The following PDLIM1 variants were observed in gnomAD, a reference collection of about 807,000 sequenced individuals.
PDLIM1 encodes PDZ and LIM domain 1, also known as PDZ and LIM domain protein 1.
In PDLIM1, 25 loss-of-function variants were observed where a neutral mutation model predicts 35.2. The ratio of observed to expected loss-of-function variants is 0.71; its 90% CI spans 0.52 to 0.99. The LOEUF (loss-of-function observed/expected upper bound fraction) is 0.99. PDLIM1 is among the 50% of genes least tolerant of loss of function. The pLI is 0.00. For synonymous variants in PDLIM1, 152 were observed against 154.0 expected, an observed-to-expected ratio of 0.99 and a Z score of 0.10; for missense variants, 363 against 415.3, an observed-to-expected ratio of 0.87 and a Z score of 1.09.
chr10:95,269,000 G>A (rs773269422), intron 2 of PDLIM1, 138 bp from the exon 3 acceptor site: 48 of 643,148 alleles, frequency 7.5e-5, no homozygotes, highest in Non-Finnish European at 1.1e-4. Flanking sequence ...CCTTCCATTT[G>A]CCACCAGGTT....
chr10:95,283,981 C>CTCTCTGTGTGTGTG (rs143926521), intron 1 of PDLIM1, among the ~76,000 whole-genome samples: 38 of 150,324 alleles, frequency 2.5e-4, no homozygotes, highest in Middle Eastern at 3.4e-3. Context: ...GCCTTTTTCT[C>CTCTCTGTGTGTGTG]TGTGTGTGTG....
intron 4 of PDLIM1, among the ~76,000 whole-genome samples, chr10:95,251,075 C>CT (rs1470152737): frequency 2.0e-5 from 3 of 152,110 alleles, no homozygotes; most frequent in African/African-American, 7.2e-5. Context: ...TTTCTCACAC[C>CT]TGCTCCAGCC....
chr10:95,281,592 A>G (rs919696506), intron 1 of PDLIM1, among the ~76,000 whole-genome samples: 7 of 152,208 alleles, frequency 4.6e-5, no homozygotes, highest in African/African-American at 1.7e-4. Context: ...AAAAAAATAC[A>G]GCCCCTGTAA....
rs1440640324 is a variant in PDLIM1 at position 95,257,038 on chromosome 10, G to GAAAGAAAGAAAT, written c.533+6825_533+6826insATTTCTTTCTTT. 4.0e-3 allele frequency among the ~76,000 whole-genome samples: 516 copies of GAAAGAAAGAAAT among 129,768 alleles called. 11 individuals carry two copies. Among genetic ancestry groups the GAAAGAAAGAAAT allele is most frequent in the African/African-American group, 0.012 (395 of 33,194 alleles). The allele number at this position is 129,768 out of a possible 152,430, so 85.1% of individuals were successfully genotyped here. A position where few individuals can be genotyped will look rare whatever the true frequency, so the allele number is the denominator to read the frequency against. On this transcript the variant is annotated intron_variant, in intron 4 of 6. Transcript: ENST00000329399. Reference sequence around the variant, plus strand: ...AGAAAGAAAGAAAGAAAGAAAGAAAGAATTCAAAATAGATTAAAGACCAAC... The same window carrying GAAAGAAAGAAAT: ...AGAAAGAAAGAAAGAAAGAAAGAAAGAAAGAAAGAAATAATTCAAAATAGATTAAAGACCAAC...
chr10:95,259,830 A>G (rs1272499762), intron 4 of PDLIM1, among the ~76,000 whole-genome samples: 1 of 152,208 alleles, frequency 6.6e-6, no homozygotes, highest in Non-Finnish European at 1.5e-5. Context: ...TTACAACACA[A>G]TTTGGAAGAG....
intron 4 of PDLIM1, among the ~76,000 whole-genome samples, chr10:95,259,883 A>G (rs1274151764): frequency 3.3e-5 from 5 of 152,184 alleles, no homozygotes; most frequent in Non-Finnish European, 4.4e-5. Flanking sequence ...GAGCTCTCCA[A>G]TCATTCCTTG....
intron 5 of PDLIM1, among the ~76,000 whole-genome samples, chr10:95,239,707 A>T (rs1166480515): frequency 6.6e-6 from 1 of 152,168 alleles, no homozygotes; most frequent in Non-Finnish European, 1.5e-5. Context: ...GAGGCAAGAG[A>T]ATCACTTGAA....
In PDLIM1 at chr10:95,261,495, C is replaced by T. The variant is rs2035361920; in HGVS notation, c.533+2369G>A. ...AAGCCTAGGGGGACCAGTATGACAC[C>T]GTTTCTCAGGTATCTCAAATGTCCC... On this transcript the variant is annotated intron_variant, in intron 4 of 6. Coordinates refer to ENST00000329399, the MANE Select transcript of PDLIM1 (RefSeq NM_020992.4). 2.6e-5 allele frequency among the ~76,000 whole-genome samples: 4 copies of T among 152,228 alleles called. No homozygotes were observed. The South Asian group carries it at 8.3e-4, about 32-fold the overall frequency.
At position 95,237,868 on chromosome 10, in the gene PDLIM1, CTG is replaced by C; in HGVS notation, c.*55_*56del. 6 of 1,492,930 alleles carry C rather than the reference CTG, an allele frequency of 4.0e-6. No homozygotes were observed. The highest frequency in any genetic ancestry group is 4.6e-6 in the Non-Finnish European group (5 of 1,082,140). 92.5% of individuals were successfully genotyped at this position (1,492,930 alleles called of 1,614,324 possible). On this transcript the variant is annotated 3_prime_UTR_variant, in exon 7 of 7. Coordinates refer to ENST00000329399, the MANE Select transcript of PDLIM1 (RefSeq NM_020992.4). ...TTCAAGAGAGGAGAGGGCCAGAACA[CTG>C]AGAGAAAAAGCTGCAGCAGAGGCCT...
chr10:95,268,493 T>C (rs923890864), intron 3 of PDLIM1, among the ~76,000 whole-genome samples: 1 of 152,216 alleles, frequency 6.6e-6, no homozygotes, highest in African/African-American at 2.4e-5. Flanking sequence ...ACTGTGATCC[T>C]GCCAACCCTT....
chr10:95,256,136 A>G (rs2035309119), intron 4 of PDLIM1, among the ~76,000 whole-genome samples: 1 of 152,240 alleles, frequency 6.6e-6, no homozygotes, highest in Non-Finnish European at 1.5e-5. Context: ...AGTACATTTT[A>G]AAATTATAAA....
intron 4 of PDLIM1, among the ~76,000 whole-genome samples, chr10:95,248,371 C>T (rs377160146): frequency 3.8e-4 from 58 of 152,338 alleles, no homozygotes; most frequent in African/African-American, 1.3e-3. Context: ...GCCTCGGCCT[C>T]CTGAGTGGCT....
chr10:95,280,626 G>A (rs1341301985), intron 1 of PDLIM1, among the ~76,000 whole-genome samples: 2 of 152,132 alleles, frequency 1.3e-5, no homozygotes, highest in Non-Finnish European at 2.9e-5. Context: ...ACAGAGGTGG[G>A]GGTTTTAACC....
chr10:95,288,777 C>T (rs961409816), intron 1 of PDLIM1, among the ~76,000 whole-genome samples: 1 of 152,158 alleles, frequency 6.6e-6, no homozygotes, highest in Non-Finnish European at 1.5e-5. Context: ...AATGTTACCT[C>T]TTCTGAGTCA....
At chr10:95,281,662 GT>G (rs902731499) in intron 1 of PDLIM1, among the ~76,000 whole-genome samples, 2 of 152,138 alleles carry the variant, frequency 1.3e-5, no homozygotes, top group South Asian at 2.1e-4. Flanking sequence ...TAATTTTGTT[GT>G]TTTTTTTAAA....
chr10:95,267,290 G>C (rs940774335), intron 3 of PDLIM1, among the ~76,000 whole-genome samples: 1 of 152,150 alleles, frequency 6.6e-6, no homozygotes, highest in Non-Finnish European at 1.5e-5. Context: ...ACATGAAAAT[G>C]AGGATTTCAG....
chr10:95,272,404 A>G (rs1435879955), intron 1 of PDLIM1, among the ~76,000 whole-genome samples: 1 of 152,206 alleles, frequency 6.6e-6, no homozygotes, highest in Non-Finnish European at 1.5e-5. Context: ...TTGACCAGGC[A>G]TGGTGGCTCA....
intron 1 of PDLIM1, among the ~76,000 whole-genome samples, chr10:95,273,809 A>C (rs1316283466): frequency 6.6e-6 from 1 of 152,218 alleles, no homozygotes; most frequent in African/African-American, 2.4e-5. Flanking sequence ...TGCAATAAAA[A>C]AAAATTCCTC....
At chr10:95,281,185 A>C (rs1236096777) in intron 1 of PDLIM1, among the ~76,000 whole-genome samples, 4 of 152,174 alleles carry the variant, frequency 2.6e-5, no homozygotes, top group Admixed American at 1.3e-4. Flanking sequence ...AAACACCTTC[A>C]AGGGCAGAAC....
Sources: gnomAD v4.1 joint callset for allele counts (sites outside exome capture counted in the v4.1 genomes callset) on GRCh38, gnomAD v4.1.1 for gene constraint, MANE v1.5 for transcripts, NCBI Gene and HGNC (gene_info 2026-07-23, HGNC 2026-07-21) for gene names.